The following ZC3H6 variants were observed in gnomAD, a reference collection of about 807,000 sequenced individuals.
The protein encoded by ZC3H6 is zinc finger CCCH domain-containing protein 6.
Under a neutral mutation model 107.7 loss-of-function variants are expected in ZC3H6, and 40 were observed. That is an observed-to-expected ratio of 0.37 (90% confidence interval 0.29 to 0.48). The LOEUF (loss-of-function observed/expected upper bound fraction) is 0.48, where lower values mean the gene tolerates loss of function less well. Ranked by LOEUF, ZC3H6 falls within the 20% of genes least tolerant of loss-of-function variation. The pLI is 0.98. For synonymous variants in ZC3H6, 493 were observed against 487.9 expected, an observed-to-expected ratio of 1.01 and a Z score of -0.14; for missense variants, 1,267 against 1,410.4, an observed-to-expected ratio of 0.90 and a Z score of 1.63.
rs941410684 is a variant in ZC3H6, at chr2:112,289,568, G to A, written c.33-10281G>A. Reference sequence around the variant, plus strand: ...TCTCGATCTCCTGACCTTGTGATCCGCCTGCCTCGGCCTCCCAAAGTGCTG... The same window carrying A: ...TCTCGATCTCCTGACCTTGTGATCCACCTGCCTCGGCCTCCCAAAGTGCTG... On this transcript the variant is annotated intron_variant, in intron 1 of 11. Coordinates refer to ENST00000409871, the MANE Select transcript of ZC3H6 (RefSeq NM_198581.3). Among the ~76,000 whole-genome samples the A allele has an allele frequency of 4.0e-5, 6 of 151,624 alleles. No homozygotes were observed. In the South Asian group the frequency reaches 6.3e-4, roughly 16 times the overall value.
chr2:112,309,199 A>T (rs1377711888), intron 3 of ZC3H6, among the ~76,000 whole-genome samples: 2 of 152,236 alleles, frequency 1.3e-5, no homozygotes, highest in African/African-American at 2.4e-5. Flanking sequence ...AGAACTAATA[A>T]AAATATTTCA....
intron 3 of ZC3H6, among the ~76,000 whole-genome samples, chr2:112,306,822 A>G (rs983256085): frequency 6.6e-6 from 1 of 152,060 alleles, no homozygotes; most frequent in South Asian, 2.1e-4. Flanking sequence ...TCTGGACTCC[A>G]CCTTTTGTTT....
At position 112,324,525 on chromosome 2, in the gene ZC3H6, G is replaced by C; in HGVS notation, c.1714G>C (p.Gly572Arg). The part of the protein sequence containing the change: ...KVPRENHCSP[G>R]SSYQQSPGEM... The stretch of plus-strand genomic sequence containing the variant: ...ACCCAGAGAGAATCACTGTTCTCCA[G>C]GTTCATCATACCAGCAAAGTCCTGG... The change falls in exon 10 of 12, where the codon GGT (glycine) becomes CGT (arginine). Residue 572 changes from glycine (G) to arginine (R), a missense_variant. Gly to Arg is a moderately radical substitution (Grantham distance 125). Transcript: ENST00000409871. 1.9e-6 allele frequency: 3 copies of C among 1,612,970 alleles called. No individual in the cohort carries two copies. The highest frequency in any genetic ancestry group is 2.5e-6 in the Non-Finnish European group (3 of 1,179,444).
intron 1 of ZC3H6, among the ~76,000 whole-genome samples, chr2:112,287,902 G>A (rs943946031): frequency 2.0e-5 from 3 of 151,924 alleles, no homozygotes; most frequent in Admixed American, 6.6e-5. Flanking sequence ...GCCCCCGGCC[G>A]TTGGAAACAT....
intron 1 of ZC3H6, among the ~76,000 whole-genome samples, chr2:112,298,508 C>A (rs1245519895): frequency 2.0e-5 from 3 of 152,240 alleles, no homozygotes; most frequent in Non-Finnish European, 4.4e-5. Context: ...CATGGCGATA[C>A]ACGTCAAAAT....
Position 112,335,192 on chromosome 2 carries a change from C to G in ZC3H6, c.*2704C>G, listed in dbSNP as rs1677118526. 1 of 152,136 alleles carries G rather than the reference C, an allele frequency of 6.6e-6. No homozygotes were observed. The highest frequency in any genetic ancestry group is 2.1e-4 in the South Asian group (1 of 4,826). The allele number at this position is 152,136 out of a possible 1,614,324, so 9.4% of individuals were successfully genotyped here. ...GTTGGAGTGATTTCAAACTCTATTT[C>G]AACAATTGGGTCTGTTTCTATATGG... On this transcript the variant is annotated 3_prime_UTR_variant, in exon 12 of 12. Coordinates refer to ENST00000409871, the MANE Select transcript of ZC3H6 (RefSeq NM_198581.3).
chr2:112,289,053 CTT>C (rs1368350010), intron 1 of ZC3H6, among the ~76,000 whole-genome samples: 2 of 77,800 alleles, frequency 2.6e-5, no homozygotes, highest in South Asian at 5.4e-4. Flanking sequence ...TCTTTTTTTT[CTT>C]TTTTTTCTTT....
intron 1 of ZC3H6, among the ~76,000 whole-genome samples, chr2:112,296,855 T>G (rs1050515644): frequency 8.5e-5 from 13 of 152,208 alleles, no homozygotes; most frequent in African/African-American, 3.1e-4. Flanking sequence ...TCATTTGACA[T>G]AATGTACAGA....
chr2:112,323,794 T>C (rs1676849812), intron 9 of ZC3H6, among the ~76,000 whole-genome samples: 1 of 152,194 alleles, frequency 6.6e-6, no homozygotes, highest in African/African-American at 2.4e-5. Flanking sequence ...AGATTCTAAT[T>C]TTACTGTAAA....
chr2:112,318,359 A>G (rs2104718151), intron 7 of ZC3H6, among the ~76,000 whole-genome samples: 1 of 152,326 alleles, frequency 6.6e-6, no homozygotes, highest in South Asian at 2.1e-4. Flanking sequence ...GAGCTAAATA[A>G]TAAGATAAAT....
intron 1 of ZC3H6, among the ~76,000 whole-genome samples, chr2:112,277,391 CTT>C (rs879896268): frequency 6.9e-6 from 1 of 145,176 alleles, no homozygotes; most frequent in Admixed American, 6.9e-5. Context: ...GCCTAAAATC[CTT>C]TTTTTTTTTA....
In ZC3H6 at chr2:112,332,403, A is replaced by T. The variant is rs760365208; in HGVS notation, c.3485A>T (p.Asp1162Val). The change falls in exon 12 of 12, where the codon GAT becomes GTT. Residue 1162 changes from aspartate (D) to valine (V), a missense_variant. Physicochemically the swap from Asp to Val is radical, Grantham distance 152. This residue lies in a region of ZC3H6 where 925 missense variants were observed against 1,025.7 expected (regional missense o/e 0.90). Transcript: ENST00000409871. ...RQPGQGSPTP[D>V]NDPGRETDDK... is the part of the protein sequence containing the mutation. Reference sequence around the variant, plus strand: ...CCAGGACAGGGGAGCCCGACCCCAGATAATGATCCCGGTAGAGAAACAGAT... The same window carrying T: ...CCAGGACAGGGGAGCCCGACCCCAGTTAATGATCCCGGTAGAGAAACAGAT... The T allele has an allele frequency of 4.3e-6, 7 of 1,613,514 alleles. No homozygotes were observed. Among genetic ancestry groups the T allele is most frequent in the African/African-American group, 1.3e-5 (1 of 74,922 alleles).
rs1258336489 is a variant in ZC3H6, at chr2:112,336,696, A to G, written c.*4208A>G. ...TTTGAGTATGTCATTTATGTCATTT[A>G]TCAGCAGTATCTGCCAGTTGTGACA... On this transcript the variant is annotated 3_prime_UTR_variant, in exon 12 of 12. Transcript: ENST00000409871. The G allele has an allele frequency of 2.0e-5, 3 of 152,148 alleles. No individual in the cohort carries two copies. The highest frequency in any genetic ancestry group is 2.9e-5 in the Non-Finnish European group (2 of 68,016). 9.4% of individuals were successfully genotyped at this position (152,148 alleles called of 1,614,324 possible).
chr2:112,324,569 C>G lies in ZC3H6; in HGVS notation c.1758C>G (p.Thr586=), dbSNP rs1488335858. The part of the protein sequence containing the change: ...QQSPGEMQLN[T]NYESLQNPAE... ...GTCCTGGTGAAATGCAGCTCAACAC[C>G]AATTATGAGTCCCTGCAAAACCCAG... The change falls in exon 10 of 12, where the codon ACC becomes ACG. Residue 586 remains threonine (T), a synonymous_variant. Coordinates refer to ENST00000409871, the MANE Select transcript of ZC3H6 (RefSeq NM_198581.3). 6.2e-7 allele frequency: 1 copy of G among 1,611,808 alleles called. No individual in the cohort carries two copies. Among genetic ancestry groups the G allele is most frequent in the African/African-American group, 1.3e-5 (1 of 74,872 alleles).
At chr2:112,289,072 T>G in intron 1 of ZC3H6, among the ~76,000 whole-genome samples, 1 of 80,410 alleles carries the variant, frequency 1.2e-5, no homozygotes, top group East Asian at 5.0e-4. Flanking sequence ...CTTTTTTTTT[T>G]TTGAGACAGA....
At chr2:112,282,521 C>A (rs1315937781) in intron 1 of ZC3H6, among the ~76,000 whole-genome samples, 1 of 152,132 alleles carries the variant, frequency 6.6e-6, no homozygotes, top group Non-Finnish European at 1.5e-5. Flanking sequence ...TTATTAGGCA[C>A]CCTTTCTACA....
In ZC3H6 at chr2:112,322,952, A is replaced by G. The variant is rs774257697; in HGVS notation, c.1340+50A>G. 6 of 1,521,540 alleles carry G rather than the reference A, an allele frequency of 3.9e-6. No homozygotes were observed. The East Asian group carries it at 1.4e-4, about 34-fold the overall frequency. 94.3% of individuals were successfully genotyped at this position (1,521,540 alleles called of 1,614,324 possible). A position where few individuals can be genotyped will look rare whatever the true frequency, so the allele number is the denominator to read the frequency against. ...CATCAAATATTTTTTTCTGAAAATT[A>G]TCATTAAGAAACTAAGTCATACTCC... On this transcript the variant is annotated intron_variant, in intron 9 of 11. Transcript: ENST00000409871.
At chr2:112,281,826 G>A (rs1188686275) in intron 1 of ZC3H6, among the ~76,000 whole-genome samples, 2 of 151,922 alleles carry the variant, frequency 1.3e-5, no homozygotes, top group Non-Finnish European at 2.9e-5. Flanking sequence ...TGGAAACCAA[G>A]GGAGGAGAAA....
At chr2:112,294,827 CAG>C (rs1676201386) in intron 1 of ZC3H6, among the ~76,000 whole-genome samples, 1 of 152,142 alleles carries the variant, frequency 6.6e-6, no homozygotes, top group Admixed American at 6.5e-5. Context: ...TGACCATTTT[CAG>C]AGTCTTGAAT....
Sources: allele counts gnomAD v4.1 joint callset (sites outside exome capture counted in the v4.1 genomes callset), GRCh38; gene constraint gnomAD v4.1.1; regional missense constraint gnomAD v4.1.1; transcripts MANE v1.5; gene names NCBI Gene and HGNC (gene_info 2026-07-23, HGNC 2026-07-21).